The following NPAT variants were observed in gnomAD, a reference collection of about 807,000 sequenced individuals.
NPAT encodes nuclear protein, coactivator of histone transcription, also known as protein NPAT.
Under a neutral mutation model 130.7 loss-of-function variants are expected in NPAT, and 52 were observed. The observed-to-expected ratio is 0.40, with a 90% CI of 0.32 to 0.50. The LOEUF is 0.50. Among genes scored for constraint, NPAT ranks in the 20% least tolerant of loss-of-function variants. The pLI, the probability that NPAT is intolerant of heterozygous loss-of-function variation, is 0.68. For missense variants in NPAT, 1,687 were observed against 1,662.6 expected (o/e 1.01, Z -0.26); for synonymous variants, 580 against 584.8 (o/e 0.99, Z 0.12).
intron 1 of NPAT, among the ~76,000 whole-genome samples, chr11:108,212,022 T>TA (rs1435184563): frequency 1.3e-5 from 2 of 149,352 alleles, no homozygotes; most frequent in Non-Finnish European, 3.0e-5. Context: ...CCTTTCATGA[T>TA]AAAAACACTA....
intron 1 of NPAT, among the ~76,000 whole-genome samples, chr11:108,199,315 A>G (rs944846269): frequency 6.6e-6 from 1 of 152,176 alleles, no homozygotes; most frequent in African/African-American, 2.4e-5. Flanking sequence ...GCGGGGCTTA[A>G]TGCAGAGCTG....
chr11:108,195,042 T>C (rs931904663), intron 2 of NPAT, among the ~76,000 whole-genome samples: 4 of 152,004 alleles, frequency 2.6e-5, no homozygotes, highest in Non-Finnish European at 4.4e-5. Context: ...CAGGATGGTC[T>C]TGAACTCTTG....
intron 6 of NPAT, 41 bp from the exon 7 acceptor site, chr11:108,188,220 AAT>A: frequency 9.8e-6 from 14 of 1,429,826 alleles, no homozygotes; most frequent in Non-Finnish European, 1.4e-5. Flanking sequence ...AAAGAAACTG[AAT>A]AGTTTTCTAA....
Position 108,183,855 on chromosome 11 carries a change from C to T in NPAT, c.906+1377G>A, listed in dbSNP as rs188941430. ...GAGCATGGTGGCATGTGCCTGTAGT[C>T]CCAGCTACTCAGAAGGCTGAGATGG... On this transcript the variant is annotated intron_variant, in intron 10 of 17. Transcript: ENST00000278612. 3.4e-3 allele frequency among the ~76,000 whole-genome samples: 515 copies of T among 152,020 alleles called. 4 individuals are homozygous for T. The highest frequency in any genetic ancestry group is 0.01 in the Middle Eastern group (3 of 294).
rs11820884 is a variant in NPAT at position 108,188,602 on chromosome 11, C to A, written c.557-423G>T. Among the ~76,000 whole-genome samples the A allele has an allele frequency of 7.9e-3, 1,200 of 152,330 alleles. 11 individuals carry two copies. The highest frequency in any genetic ancestry group is 0.027 in the African/African-American group (1,110 of 41,568). On this transcript the variant is annotated intron_variant, in intron 6 of 17. Coordinates refer to ENST00000278612, the MANE Select transcript of NPAT (RefSeq NM_002519.3). ...TCCCAACTCTGTTATTAACTAGCTTCTTATCCCTTAACTACCATGTGTTTT... is the reference window on the plus strand; with the variant it reads ...TCCCAACTCTGTTATTAACTAGCTTATTATCCCTTAACTACCATGTGTTTT...
intron 8 of NPAT, among the ~76,000 whole-genome samples, chr11:108,186,163 C>T (rs926238155): frequency 2.0e-5 from 3 of 152,004 alleles, no homozygotes; most frequent in African/African-American, 7.2e-5. Flanking sequence ...ACTACAGGCA[C>T]GTGCTACCAC....
At chr11:108,182,452 CTG>C (rs2078066901) in intron 10 of NPAT, among the ~76,000 whole-genome samples, 1 of 152,148 alleles carries the variant, frequency 6.6e-6, no homozygotes, top group African/African-American at 2.4e-5. Flanking sequence ...TTTGGGATTT[CTG>C]TGTTACAAAA....
chr11:108,201,092 G>A (rs2078272099), intron 1 of NPAT, among the ~76,000 whole-genome samples: 1 of 152,150 alleles, frequency 6.6e-6, no homozygotes, highest in Non-Finnish European at 1.5e-5. Flanking sequence ...AGTCTCAGGA[G>A]GACAGTAAGG....
At position 108,158,899 on chromosome 11, in the gene NPAT, A is replaced by G. The variant is rs2077820237; in HGVS notation, c.*43T>C. ...CCATTCCCTACACTCAGTTTAAGGG[A>G]TATGAGTTTTTAACACCTACTGTTC... On this transcript the variant is annotated 3_prime_UTR_variant, in exon 18 of 18. Coordinates refer to ENST00000278612, the MANE Select transcript of NPAT (RefSeq NM_002519.3). The G allele has an allele frequency of 8.9e-7, 1 of 1,128,036 alleles. No homozygotes were observed. Among genetic ancestry groups the G allele is most frequent in the Admixed American group, 1.7e-5 (1 of 59,254 alleles). The allele number at this position is 1,128,036 out of a possible 1,614,324, so 69.9% of individuals were successfully genotyped here.
intron 15 of NPAT, among the ~76,000 whole-genome samples, chr11:108,164,684 G>C (rs1327692226): frequency 6.6e-6 from 1 of 152,162 alleles, no homozygotes; most frequent in African/African-American, 2.4e-5. Flanking sequence ...GGCTATAGGA[G>C]AGGTTGGCTG....
rs980594508 is a variant in NPAT at position 108,206,402 on chromosome 11, GGT to G, written c.38-8984_38-8983del. Among the ~76,000 whole-genome samples the G allele has an allele frequency of 2.6e-5, 4 of 152,122 alleles. No homozygotes were observed. In the South Asian group the frequency reaches 6.2e-4, roughly 24 times the overall value. ...GTGAGCCAGGCATGAAGCAGTGAGG[GGT>G]GTATGAGTGAGCTCAGCCACCGAGC... On this transcript the variant is annotated intron_variant, in intron 1 of 17. Coordinates refer to ENST00000278612, the MANE Select transcript of NPAT (RefSeq NM_002519.3).
chr11:108,178,026 T>C, intron 10 of NPAT, among the ~76,000 whole-genome samples: 1 of 152,212 alleles, frequency 6.6e-6, no homozygotes. Flanking sequence ...TGGCCCATAC[T>C]ATAAAGTTCT....
At chr11:108,192,785 C>A (rs1462418289) in intron 3 of NPAT, among the ~76,000 whole-genome samples, 2 of 152,042 alleles carry the variant, frequency 1.3e-5, no homozygotes, top group African/African-American at 2.4e-5. Context: ...GAAACCCTGT[C>A]TCTACTAAAA....
chr11:108,200,291 C>G lies in NPAT; in HGVS notation c.38-2871G>C, dbSNP rs551523741. Among the ~76,000 whole-genome samples the G allele has an allele frequency of 8.5e-5, 13 of 152,300 alleles. No individual in the cohort carries two copies. In the South Asian group the frequency reaches 2.7e-3, roughly 32 times the overall value. On this transcript the variant is annotated intron_variant, in intron 1 of 17. Transcript: ENST00000278612. ...GCCTCCCCTTCCTTTCTTAGTGTGACTGTGAGGGATGTCTCAGGAAAGCCT... is the reference window on the plus strand; with the variant it reads ...GCCTCCCCTTCCTTTCTTAGTGTGAGTGTGAGGGATGTCTCAGGAAAGCCT...
chr11:108,204,111 T>G (rs1014750202), intron 1 of NPAT, among the ~76,000 whole-genome samples: 4 of 152,188 alleles, frequency 2.6e-5, no homozygotes, highest in African/African-American at 7.2e-5. Context: ...GTCCTTATCC[T>G]AATGGCAGTT....
chr11:108,162,862 C>T (rs926666750), intron 15 of NPAT, among the ~76,000 whole-genome samples: 7 of 152,122 alleles, frequency 4.6e-5, no homozygotes, highest in Non-Finnish European at 5.9e-5. Flanking sequence ...AATTCTGTCC[C>T]GGTACCTATC....
In NPAT at chr11:108,169,961, C is replaced by T; in HGVS notation, c.2868G>A (p.Gln956=). Residue 956 remains glutamine (Q), a synonymous_variant, in exon 14 of 18, where the codon CAG becomes CAA. Transcript: ENST00000278612. ...VGMIPVSVVG[Q]NGNNFSTPPR... ...GAGGAGTAGAAAAGTTATTTCCATTCTGTCCAACCACAGATACTGGGATCA... is the reference window on the plus strand; with the variant it reads ...GAGGAGTAGAAAAGTTATTTCCATTTTGTCCAACCACAGATACTGGGATCA... 1.8e-5 allele frequency: 29 copies of T among 1,613,972 alleles called. No homozygotes were observed. Among genetic ancestry groups the T allele is most frequent in the Non-Finnish European group, 2.5e-5 (29 of 1,179,878 alleles).
chr11:108,159,020 C>G lies in NPAT; in HGVS notation c.4207-1G>C. On this transcript the variant is annotated splice_acceptor_variant, in intron 17 of 17. Transcript: ENST00000278612. LOFTEE classifies it high-confidence loss of function. ...GAAATGAACTGGGAAGCTTCTTTTT[C>G]TGTTGAAAAAGAGAAAGAAAAAATA... 1 of 1,600,504 alleles carries G rather than the reference C, an allele frequency of 6.2e-7. No individual in the cohort carries two copies. Among genetic ancestry groups the G allele is most frequent in the Non-Finnish European group, 8.5e-7 (1 of 1,172,964 alleles).
chr11:108,172,982 CT>C lies in NPAT; in HGVS notation c.2001del (p.Glu668LysfsTer9). 6.2e-7 allele frequency: 1 copy of C among 1,614,090 alleles called. No individual in the cohort carries two copies. The highest frequency in any genetic ancestry group is 8.5e-7 in the Non-Finnish European group (1 of 1,180,034). On this transcript the variant is annotated frameshift_variant, in exon 13 of 18. Transcript: ENST00000278612. LOFTEE classifies it high-confidence loss of function. ...ENSQEPSSSV[K>X]EENTIFLSLG... is the part of the protein sequence containing the mutation. ...AAAGAGAGAAAAATAGTATTCTCTT[CT>C]TTTACAGAAGATGAAGGCTCCTGTG...
Sources: gnomAD v4.1 joint callset for allele counts (sites outside exome capture counted in the v4.1 genomes callset) on GRCh38, gnomAD v4.1.1 for gene constraint, MANE v1.5 for transcripts, NCBI Gene and HGNC (gene_info 2026-07-23, HGNC 2026-07-21) for gene names.